The following SORCS2 variants were observed in gnomAD, a reference collection of about 807,000 sequenced individuals.
SORCS2 encodes the protein VPS10 domain-containing receptor SorCS2.
A neutral mutation model predicts 141.6 loss-of-function variants in SORCS2; 100 were observed. The ratio of observed to expected loss-of-function variants is 0.71; its 90% confidence interval spans 0.60 to 0.83. The LOEUF is 0.83. Ranked by LOEUF, SORCS2 falls within the 40% of genes least tolerant of loss-of-function variation. The pLI, the probability that SORCS2 is intolerant of heterozygous loss-of-function variation, is 0.00. For synonymous variants in SORCS2, 789 were observed against 676.9 expected, an observed-to-expected ratio of 1.17 and a Z score of -2.57; for missense variants, 1,646 against 1,560.2, an observed-to-expected ratio of 1.05 and a Z score of -0.93.
At chr4:7,318,232 C>A (rs928962034) in intron 1 of SORCS2, among the ~76,000 whole-genome samples, 1 of 152,172 alleles carries the variant, frequency 6.6e-6, no homozygotes, top group Non-Finnish European at 1.5e-5. Context: ...GGAGGTAAGT[C>A]CCTGAAGATT....
Position 7,465,782 on chromosome 4 carries a change from G to A in SORCS2, c.549-65748G>A, listed in dbSNP as rs1264198282. Among the ~76,000 whole-genome samples, 7 of 152,192 alleles carry A rather than the reference G, an allele frequency of 4.6e-5. No homozygotes were observed. In the South Asian group the frequency reaches 6.2e-4, roughly 14 times the overall value. On this transcript the variant is annotated intron_variant, in intron 2 of 26. Transcript: ENST00000507866. The stretch of plus-strand genomic sequence containing the variant: ...TCTCCATCAAGATGGTGAATAGAAC[G>A]CAAGCCCAGACAAAGGCATGGCTTA...
chr4:7,626,826 A>T (rs1361872456), intron 3 of SORCS2, among the ~76,000 whole-genome samples: 4 of 152,074 alleles, frequency 2.6e-5, no homozygotes, highest in African/African-American at 7.2e-5. Context: ...ATAACCCAAC[A>T]TGTAATACAG....
chr4:7,247,238 A>G (rs1423181187), intron 1 of SORCS2, among the ~76,000 whole-genome samples: 1 of 151,974 alleles, frequency 6.6e-6, no homozygotes, highest in Non-Finnish European at 1.5e-5. Flanking sequence ...ACCACCCATG[A>G]TGTGTTTTCA....
At chr4:7,589,132 C>G (rs1046872513) in intron 3 of SORCS2, among the ~76,000 whole-genome samples, 1 of 152,120 alleles carries the variant, frequency 6.6e-6, no homozygotes, top group African/African-American at 2.4e-5. Flanking sequence ...TCTGAGTGCT[C>G]TCAAATGCAG....
chr4:7,411,099 G>A (rs1225695142), intron 2 of SORCS2, among the ~76,000 whole-genome samples: 3 of 151,750 alleles, frequency 2.0e-5, no homozygotes, highest in African/African-American at 4.8e-5. Context: ...GGGACTACAG[G>A]CATGCATCAC....
intron 4 of SORCS2, among the ~76,000 whole-genome samples, chr4:7,651,043 C>A (rs1019919032): frequency 3.4e-4 from 52 of 151,820 alleles, no homozygotes; most frequent in African/African-American, 1.2e-3. Context: ...CAAAGATGAA[C>A]TGGGGACATC....
Position 7,406,246 on chromosome 4 carries a change from A to G in SORCS2, c.548+9891A>G, listed in dbSNP as rs543416500. 5.3e-5 allele frequency among the ~76,000 whole-genome samples: 8 copies of G among 152,046 alleles called. No homozygotes were observed. The South Asian group carries it at 8.3e-4, about 16-fold the overall frequency. ...TTGATATCAGGGAAACGCTGGCTTC[A>G]TAGAATGAGTTTGGAAGTATTCCCT... On this transcript the variant is annotated intron_variant, in intron 2 of 26. Transcript: ENST00000507866.
intron 3 of SORCS2, among the ~76,000 whole-genome samples, chr4:7,606,819 G>A (rs1236420484): frequency 6.6e-6 from 1 of 152,100 alleles, no homozygotes; most frequent in African/African-American, 2.4e-5. Flanking sequence ...GATGACCCCA[G>A]GGGTAGCACA....
intron 1 of SORCS2, among the ~76,000 whole-genome samples, chr4:7,392,164 A>G (rs1439603974): frequency 6.6e-6 from 1 of 152,116 alleles, no homozygotes; most frequent in Non-Finnish European, 1.5e-5. Context: ...ACGCTGTGGA[A>G]CTCCTCGTGT....
intron 2 of SORCS2, among the ~76,000 whole-genome samples, chr4:7,476,692 C>T (rs764337924): frequency 1.1e-4 from 16 of 152,270 alleles, no homozygotes; most frequent in Middle Eastern, 3.4e-3. Context: ...ATGCCTCCTG[C>T]TAGGAGTCCC....
At chr4:7,253,844 T>G (rs1713667334) in intron 1 of SORCS2, among the ~76,000 whole-genome samples, 2 of 152,228 alleles carry the variant, frequency 1.3e-5, no homozygotes, top group South Asian at 4.1e-4. Context: ...ATTTGCCTCT[T>G]CCTGCAGCTA....
At position 7,400,006 on chromosome 4, in the gene SORCS2, G is replaced by T. The variant is rs183783602; in HGVS notation, c.548+3651G>T. Among the ~76,000 whole-genome samples the T allele has an allele frequency of 9.2e-5, 14 of 152,236 alleles. No homozygotes were observed. The East Asian group carries it at 2.7e-3, about 29-fold the overall frequency. ...ACCCAAGACTTTGCATTTCTAACAA[G>T]CTCCCGAGTGCTGCCCATGCTGCTG... is the stretch of plus-strand genomic sequence containing the variant. On this transcript the variant is annotated intron_variant, in intron 2 of 26. Coordinates refer to ENST00000507866, the MANE Select transcript of SORCS2 (RefSeq NM_020777.3).
chr4:7,724,051 G>T (rs1384042000), intron 19 of SORCS2, among the ~76,000 whole-genome samples, 168 bp downstream of exon 19: 1 of 152,148 alleles, frequency 6.6e-6, no homozygotes, highest in Non-Finnish European at 1.5e-5. Context: ...CCGCACCCCT[G>T]ATGACCCATA....
chr4:7,737,324 A>C (rs1307512827), intron 26 of SORCS2, 152 bp downstream of exon 26: 1 of 1,047,102 alleles, frequency 9.6e-7, no homozygotes, highest in East Asian at 2.7e-5. Context: ...GGTCGGGCCC[A>C]CTGTGTCCCC....
At chr4:7,310,022 G>C (rs946528455) in intron 1 of SORCS2, among the ~76,000 whole-genome samples, 1 of 152,246 alleles carries the variant, frequency 6.6e-6, no homozygotes, top group Non-Finnish European at 1.5e-5. Context: ...TTTCCATTCT[G>C]AAAGGCTTCT....
At chr4:7,301,330 G>A (rs1717416523) in intron 1 of SORCS2, among the ~76,000 whole-genome samples, 1 of 152,354 alleles carries the variant, frequency 6.6e-6, no homozygotes, top group African/African-American at 2.4e-5. Flanking sequence ...GCCTGGTGGG[G>A]GAGCTGCCGA....
intron 9 of SORCS2, among the ~76,000 whole-genome samples, chr4:7,677,356 T>C (rs1430849891): frequency 1.3e-5 from 2 of 152,222 alleles, no homozygotes; most frequent in Non-Finnish European, 2.9e-5. Context: ...TGAGATGCCA[T>C]GGCCAGCGAG....
At chr4:7,602,007 C>G (rs898673322) in intron 3 of SORCS2, among the ~76,000 whole-genome samples, 2 of 152,226 alleles carry the variant, frequency 1.3e-5, no homozygotes, top group African/African-American at 2.4e-5. Flanking sequence ...AGATTAACAG[C>G]ATCCCAAGGC....
chr4:7,444,154 A>G (rs1251777206), intron 2 of SORCS2, among the ~76,000 whole-genome samples: 1 of 152,250 alleles, frequency 6.6e-6, no homozygotes, highest in Non-Finnish European at 1.5e-5. Context: ...TCATACGCGT[A>G]TTCAGCAATT....
Sources: gnomAD v4.1 joint callset for allele counts (sites outside exome capture counted in the v4.1 genomes callset) on GRCh38, gnomAD v4.1.1 for gene constraint, MANE v1.5 for transcripts, NCBI Gene and HGNC (gene_info 2026-07-23, HGNC 2026-07-21) for gene names.